SPNS3: variants seen among roughly 807,000 people sequenced by gnomAD.
SPNS3 encodes protein spinster homolog 3.
A neutral mutation model predicts 54.4 loss-of-function variants in SPNS3; 51 were observed. The ratio of observed to expected loss-of-function variants is 0.94; its 90% CI spans 0.75 to 1.18. The LOEUF (loss-of-function observed/expected upper bound fraction) is 1.18. Ranked by LOEUF, SPNS3 falls within the 50% of genes most tolerant of loss-of-function variation. The probability of loss-of-function intolerance (pLI) is 0.00; values close to 1 mark genes in which losing one functional copy is unlikely to be tolerated. For synonymous variants in SPNS3, 309 were observed against 294.7 expected, an observed-to-expected ratio of 1.05 and a Z score of -0.50; for missense variants, 669 against 677.4, an observed-to-expected ratio of 0.99 and a Z score of 0.14.
intron 8 of SPNS3, among the ~76,000 whole-genome samples, chr17:4,469,732 A>G (rs1971806276): frequency 6.6e-6 from 1 of 151,916 alleles, no homozygotes; most frequent in African/African-American, 2.4e-5. Context: ...CAAGGGCATG[A>G]GCATAGACCT....
Position 4,487,816 on chromosome 17 carries a change from C to A in SPNS3, c.1461C>A (p.Asp487Glu), listed in dbSNP as rs1320416511. ...TCTTTCCTCCTGCAGGGACCCCAGACAGCAATGATGTGGACAGCAACGACC... is the reference window on the plus strand; with the variant it reads ...TCTTTCCTCCTGCAGGGACCCCAGAAAGCAATGATGTGGACAGCAACGACC... Reference protein sequence around the residue: ...RAWQPVTGTPDSNDVDSNDLE... With the variant: ...RAWQPVTGTPESNDVDSNDLE... The change falls in exon 12 of 12, where the codon GAC becomes GAA. Residue 487 changes from aspartate (D) to glutamate (E), a missense_variant. Transcript: ENST00000355530. The A allele has an allele frequency of 3.7e-6, 6 of 1,613,984 alleles. No homozygotes were observed. The highest frequency in any genetic ancestry group is 1.3e-5 in the African/African-American group (1 of 74,964).
intron 8 of SPNS3, among the ~76,000 whole-genome samples, chr17:4,466,236 T>C (rs553059538): frequency 1.8e-4 from 28 of 152,256 alleles, no homozygotes; most frequent in African/African-American, 6.3e-4. Flanking sequence ...TGTAATACAA[T>C]AAACATGGAA....
intron 8 of SPNS3, among the ~76,000 whole-genome samples, chr17:4,464,152 TG>T (rs916584998): frequency 2.6e-5 from 4 of 152,202 alleles, no homozygotes; most frequent in South Asian, 2.1e-4. Context: ...GGGCCTTCCC[TG>T]GGGGAGCCCA....
intron 2 of SPNS3, among the ~76,000 whole-genome samples, chr17:4,442,303 T>TGAGGC (rs369068227): frequency 0.11 from 15,948 of 151,732 alleles, 989 homozygotes; most frequent in African/African-American, 0.18. Flanking sequence ...TTTGGGAGGC[T>TGAGGC]GGGTGGATCA....
Position 4,478,592 on chromosome 17 carries a change from G to T in SPNS3, c.1134G>T (p.Glu378Asp). ...CACAGGTGTTCCTGGGCCTTGGGGAGCTGCTTCTGTCCTGCAACTGGGCAG... is the reference window on the plus strand; with the variant it reads ...CACAGGTGTTCCTGGGCCTTGGGGATCTGCTTCTGTCCTGCAACTGGGCAG... ...LASYVFLGLG[E>D]LLLSCNWAVV... The change falls in exon 9 of 12, where the codon GAG (glutamate) becomes GAT (aspartate). Residue 378 changes from glutamate (E) to aspartate (D), a missense_variant. Physicochemically the swap from Glu to Asp is conservative, Grantham distance 45 (BLOSUM62 2). Transcript: ENST00000355530. 1 of 1,584,200 alleles carries T rather than the reference G, an allele frequency of 6.3e-7. No individual in the cohort carries two copies. Among genetic ancestry groups the T allele is most frequent in the Non-Finnish European group, 8.6e-7 (1 of 1,164,948 alleles).
chr17:4,463,834 TTGTA>T (rs1253463321), intron 8 of SPNS3, among the ~76,000 whole-genome samples: 1 of 152,134 alleles, frequency 6.6e-6, no homozygotes, highest in Non-Finnish European at 1.5e-5. Flanking sequence ...CTATTTTAAT[TTGTA>T]TGTATGTGCA....
In SPNS3 at chr17:4,472,774, CTTTTTTTTTTTTTT is replaced by C. The variant is rs375118697; in HGVS notation, c.1114-5778_1114-5765del. On this transcript the variant is annotated intron_variant, in intron 8 of 11. Coordinates refer to ENST00000355530, the MANE Select transcript of SPNS3 (RefSeq NM_182538.5). ...ATTGTCTGCTCTTTTGCTTGGCAGCCTTTTTTTTTTTTTTTTTTTTTTTTTTTTTTTTTGAGGAT... is the reference window on the plus strand; with the variant it reads ...ATTGTCTGCTCTTTTGCTTGGCAGCCTTTTTTTTTTTTTTTTTTTGAGGAT... Among the ~76,000 whole-genome samples the C allele has an allele frequency of 3.9e-4, 20 of 50,972 alleles. 1 individual carries two copies. The highest frequency in any genetic ancestry group is 9.2e-4 in the South Asian group (1 of 1,084). The allele number at this position is 50,972 out of a possible 152,430, so 33.4% of individuals were successfully genotyped here. A position where few individuals can be genotyped will look rare whatever the true frequency, so the allele number is the denominator to read the frequency against.
chr17:4,462,919 C>T (rs1292122949), intron 8 of SPNS3, among the ~76,000 whole-genome samples: 2 of 135,050 alleles, frequency 1.5e-5, no homozygotes, highest in African/African-American at 5.5e-5. Flanking sequence ...TGGCAGGAAC[C>T]AAAGTCCTTC....
intron 2 of SPNS3, among the ~76,000 whole-genome samples, chr17:4,444,167 A>C (rs762401164): frequency 6.6e-6 from 1 of 151,848 alleles, no homozygotes; most frequent in Non-Finnish European, 1.5e-5. Context: ...AGGAAAACCA[A>C]CTTTTTCCTG....
In SPNS3 at chr17:4,446,128, G is replaced by A. The variant is rs1970980546; in HGVS notation, c.483G>A (p.Leu161=). 1 of 1,613,750 alleles carries A rather than the reference G, an allele frequency of 6.2e-7. No individual in the cohort carries two copies. Among genetic ancestry groups the A allele is most frequent in the Non-Finnish European group, 8.5e-7 (1 of 1,179,744 alleles). The change falls in exon 4 of 12, where the codon CTG becomes CTA. Residue 161 remains leucine, a synonymous_variant. Coordinates refer to ENST00000355530, the MANE Select transcript of SPNS3 (RefSeq NM_182538.5). ...ACTCCACCATCGCGCCCACCGTCCT[G>A]GGCGACCTCTTCGTGAGGGACCAGC... ...ASYSTIAPTV[L]GDLFVRDQRT... is the part of the protein sequence containing the mutation.
intron 8 of SPNS3, among the ~76,000 whole-genome samples, chr17:4,476,935 G>A (rs1016145630): frequency 2.0e-5 from 3 of 152,220 alleles, no homozygotes; most frequent in African/African-American, 7.2e-5. Flanking sequence ...CTCCGCTCCC[G>A]TGGGTCCCCG....
Position 4,462,790 on chromosome 17 carries a change from C to T in SPNS3, c.1113+9585C>T, listed in dbSNP as rs1199850481. 5.6e-3 allele frequency among the ~76,000 whole-genome samples: 727 copies of T among 130,908 alleles called. 61 individuals carry two copies. Among genetic ancestry groups the T allele is most frequent in the African/African-American group, 0.026 (656 of 25,440 alleles). 85.9% of individuals were successfully genotyped at this position (130,908 alleles called of 152,430 possible). On this transcript the variant is annotated intron_variant, in intron 8 of 11. Coordinates refer to ENST00000355530, the MANE Select transcript of SPNS3 (RefSeq NM_182538.5). The stretch of plus-strand genomic sequence containing the variant: ...CCATCCATCCATCCATCCATCCATC[C>T]ATCCATCCATCCACCAATCTATCCA...
intron 8 of SPNS3, among the ~76,000 whole-genome samples, chr17:4,466,608 G>A (rs1276824811): frequency 2.0e-5 from 3 of 150,012 alleles, no homozygotes; most frequent in Non-Finnish European, 4.4e-5. Flanking sequence ...TTGGGAGGCC[G>A]AGGCAGGCAG....
intron 8 of SPNS3, among the ~76,000 whole-genome samples, chr17:4,470,678 T>C (rs1971832191): frequency 6.6e-6 from 1 of 152,194 alleles, no homozygotes; most frequent in Non-Finnish European, 1.5e-5. Context: ...GATTTGTCTG[T>C]TCTGGATAAT....
intron 1 of SPNS3, among the ~76,000 whole-genome samples, chr17:4,435,053 C>T (rs577927491): frequency 3.8e-4 from 58 of 152,294 alleles, no homozygotes; most frequent in African/African-American, 1.3e-3. Context: ...CCGCCTGCCT[C>T]GGCCTCCCAA....
chr17:4,466,170 G>C (rs1761743405), intron 8 of SPNS3, among the ~76,000 whole-genome samples: 1 of 152,258 alleles, frequency 6.6e-6, no homozygotes, highest in African/African-American at 2.4e-5. Context: ...CTCTTTCCCA[G>C]ACGCTGTTCC....
At chr17:4,467,263 G>A (rs897105152) in intron 8 of SPNS3, among the ~76,000 whole-genome samples, 2 of 152,060 alleles carry the variant, frequency 1.3e-5, no homozygotes, top group Non-Finnish European at 2.9e-5. Flanking sequence ...CCAGCGCAGA[G>A]GTGAGAGGAT....
chr17:4,460,644 T>G (rs9889867), intron 8 of SPNS3, among the ~76,000 whole-genome samples: 22,726 of 150,748 alleles, frequency 0.15, 2,666 homozygotes, highest in African/African-American at 0.33. Context: ...GGGTTTCACC[T>G]TGTTAGCCAG....
intron 8 of SPNS3, among the ~76,000 whole-genome samples, chr17:4,464,402 T>C (rs765838674): frequency 1.3e-5 from 2 of 152,298 alleles, no homozygotes; most frequent in Non-Finnish European, 2.9e-5. Context: ...ACTGACCTGA[T>C]GGCTGGAGGA....
Sources: allele counts gnomAD v4.1 joint callset (sites outside exome capture counted in the v4.1 genomes callset), GRCh38; gene constraint gnomAD v4.1.1; transcripts MANE v1.5; gene names NCBI Gene and HGNC (gene_info 2026-07-23, HGNC 2026-07-21).